Variants in TMEM132B observed in about 807,000 individuals in gnomAD.
The protein encoded by TMEM132B is transmembrane protein 132B.
A neutral mutation model predicts 90.8 loss-of-function variants in TMEM132B; 18 were observed. That is an observed-to-expected ratio of 0.20 (90% CI 0.14 to 0.29). The LOEUF (loss-of-function observed/expected upper bound fraction) is 0.29. TMEM132B is among the 10% of genes least tolerant of loss of function. The pLI is 1.00. For missense variants in TMEM132B, 1,096 were observed against 1,326.8 expected, an observed-to-expected ratio of 0.83 and a Z score of 2.70; for synonymous variants, 504 against 523.3, an observed-to-expected ratio of 0.96 and a Z score of 0.50.
intron 1 of TMEM132B, among the ~76,000 whole-genome samples, chr12:125,214,805 G>T (rs1304375355): frequency 2.6e-5 from 4 of 152,204 alleles, no homozygotes; most frequent in Non-Finnish European, 5.9e-5. Flanking sequence ...GCAACATCTG[G>T]ACTTCCCTGC....
chr12:125,405,579 G>A (rs1879447535), intron 2 of TMEM132B, among the ~76,000 whole-genome samples: 1 of 152,194 alleles, frequency 6.6e-6, no homozygotes, highest in African/African-American at 2.4e-5. Flanking sequence ...GAACCTGGCA[G>A]GCTGGTGTGA....
At chr12:125,641,940 A>C (rs1160763213) in intron 5 of TMEM132B, among the ~76,000 whole-genome samples, 1 of 152,228 alleles carries the variant, frequency 6.6e-6, no homozygotes, top group African/African-American at 2.4e-5. Context: ...GGGAGAAGTG[A>C]GAGCAGAACT....
At chr12:125,462,988 G>A (rs1881479138) in intron 3 of TMEM132B, among the ~76,000 whole-genome samples, 2 of 152,334 alleles carry the variant, frequency 1.3e-5, no homozygotes, top group South Asian at 4.1e-4. Context: ...CCTCTAGAAA[G>A]CTAACTGGTC....
intron 4 of TMEM132B, among the ~76,000 whole-genome samples, chr12:125,532,493 G>A (rs924809956): frequency 6.6e-5 from 10 of 151,722 alleles, no homozygotes; most frequent in Non-Finnish European, 8.8e-5. Flanking sequence ...ACCCCTTAAA[G>A]GTAGTAAAAT....
At chr12:125,311,647 A>G (rs1353892055) in intron 1 of TMEM132B, among the ~76,000 whole-genome samples, 4 of 152,150 alleles carry the variant, frequency 2.6e-5, no homozygotes, top group Non-Finnish European at 4.4e-5. Context: ...TTTCCAGTCT[A>G]TTCTCATCGA....
At chr12:125,618,455 G>A (rs1422523761) in intron 5 of TMEM132B, among the ~76,000 whole-genome samples, 1 of 152,144 alleles carries the variant, frequency 6.6e-6, no homozygotes, top group East Asian at 1.9e-4. Flanking sequence ...CTGGCGTATG[G>A]GGGTGGTAAG....
At chr12:125,533,705 C>T (rs61943472) in intron 4 of TMEM132B, among the ~76,000 whole-genome samples, 20,642 of 152,214 alleles carry the variant, frequency 0.14, 1,597 homozygotes, top group Non-Finnish European at 0.18. Context: ...AGCCCCTGCC[C>T]GGCCTGACTG....
At chr12:125,627,373 A>G (rs1052853286) in intron 5 of TMEM132B, among the ~76,000 whole-genome samples, 1 of 151,886 alleles carries the variant, frequency 6.6e-6, no homozygotes, top group Non-Finnish European at 1.5e-5. Context: ...TCATTTAAAG[A>G]TGGACATTTT....
intron 1 of TMEM132B, among the ~76,000 whole-genome samples, chr12:125,324,350 C>T (rs1002591756): frequency 2.6e-5 from 4 of 152,340 alleles, no homozygotes; most frequent in South Asian, 2.1e-4. Context: ...ACTGCCTCCA[C>T]GAAGAACCTT....
At chr12:125,638,569 C>T (rs1175630702) in intron 5 of TMEM132B, among the ~76,000 whole-genome samples, 5 of 151,974 alleles carry the variant, frequency 3.3e-5, no homozygotes, top group South Asian at 2.1e-4. Context: ...ATTGTTTGTA[C>T]GTTTGTGAGA....
intron 2 of TMEM132B, among the ~76,000 whole-genome samples, chr12:125,404,841 C>T (rs1027204266): frequency 2.6e-5 from 4 of 152,218 alleles, no homozygotes; most frequent in African/African-American, 9.6e-5. Flanking sequence ...CAGTGTTTCA[C>T]TCCAAAGCAA....
intron 2 of TMEM132B, among the ~76,000 whole-genome samples, chr12:125,381,085 T>C (rs1878666843): frequency 6.6e-6 from 1 of 152,198 alleles, no homozygotes; most frequent in Non-Finnish European, 1.5e-5. Context: ...CTAAGCACAC[T>C]ATATGCATAA....
At position 125,460,993 on chromosome 12, in the gene TMEM132B, G is replaced by A. The variant is rs1246512966; in HGVS notation, c.1106+45316G>A. Among the ~76,000 whole-genome samples the A allele has an allele frequency of 2.0e-5, 3 of 152,230 alleles. No homozygotes were observed. The highest frequency in any genetic ancestry group is 4.8e-5 in the African/African-American group (2 of 41,460). ...TTCATTAATGAAACAAAGGAAAGGT[G>A]CGTGGCTCTCCCCAGTGGGATAATC... On this transcript the variant is annotated intron_variant, in intron 3 of 8. Transcript: ENST00000682704. This position sits in a 1 kb window ranked among gnomAD's most constrained non-coding sequence, Gnocchi z 4.4.
chr12:125,240,348 G>A (rs1874037193), intron 1 of TMEM132B, among the ~76,000 whole-genome samples: 1 of 152,132 alleles, frequency 6.6e-6, no homozygotes, highest in Admixed American at 6.5e-5. Context: ...TGCTATTTGG[G>A]TTAATGGCAT....
chr12:125,486,531 A>G (rs1260920377), intron 3 of TMEM132B, among the ~76,000 whole-genome samples: 1 of 152,178 alleles, frequency 6.6e-6, no homozygotes, highest in Non-Finnish European at 1.5e-5. Context: ...GTCTGTGTCT[A>G]AGGAACAGGG....
intron 3 of TMEM132B, among the ~76,000 whole-genome samples, chr12:125,428,679 G>C (rs1010566400): frequency 6.6e-6 from 1 of 152,098 alleles, no homozygotes; most frequent in African/African-American, 2.4e-5. Context: ...CCTGCACCAT[G>C]CCTTTAAATC....
chr12:125,342,551 G>A (rs1033432475), intron 1 of TMEM132B, among the ~76,000 whole-genome samples: 1 of 152,170 alleles, frequency 6.6e-6, no homozygotes, highest in African/African-American at 2.4e-5. Flanking sequence ...GGAAGATAGA[G>A]GCAACTGCAA....
At chr12:125,636,036 G>T (rs1886470878) in intron 5 of TMEM132B, among the ~76,000 whole-genome samples, 1 of 152,126 alleles carries the variant, frequency 6.6e-6, no homozygotes, top group African/African-American at 2.4e-5. Flanking sequence ...GGTGTGGGTG[G>T]TGGTGGTGAT....
chr12:125,518,211 A>T (rs1417253608), intron 3 of TMEM132B, among the ~76,000 whole-genome samples: 1 of 152,200 alleles, frequency 6.6e-6, no homozygotes, highest in Non-Finnish European at 1.5e-5. Context: ...ACAAGGAAGC[A>T]GATGTGGTTT....
Sources: gnomAD v4.1 joint callset for allele counts (sites outside exome capture counted in the v4.1 genomes callset) on GRCh38, gnomAD v4.1.1 for gene constraint, Gnocchi (gnomAD v3.1) non-coding constraint, MANE v1.5 for transcripts, NCBI Gene and HGNC (gene_info 2026-07-23, HGNC 2026-07-21) for gene names.